Variants in TMEM67 observed in about 807,000 individuals in gnomAD.
TMEM67 encodes transmembrane protein 67.
TMEM67 carries 124 observed loss-of-function variants against 136.6 expected under a neutral mutation model. That is an observed-to-expected ratio of 0.91 (90% CI 0.78 to 1.05). The LOEUF (loss-of-function observed/expected upper bound fraction) is 1.05. Ranked by LOEUF, TMEM67 falls within the 50% of genes least tolerant of loss-of-function variation. The pLI, the probability that TMEM67 is intolerant of heterozygous loss-of-function variation, is 0.00. For missense variants in TMEM67, 1,107 were observed against 1,178.4 expected, an observed-to-expected ratio of 0.94 and a Z score of 0.89; for synonymous variants, 364 against 390.5, an observed-to-expected ratio of 0.93 and a Z score of 0.80.
At chr8:93,757,682 A>G (rs1182409619) in intron 2 of TMEM67, among the ~76,000 whole-genome samples, 2 of 152,134 alleles carry the variant, frequency 1.3e-5, no homozygotes, top group Admixed American at 1.3e-4. Flanking sequence ...TGGATAGAAG[A>G]AAATATTCTC....
intron 6 of TMEM67, among the ~76,000 whole-genome samples, chr8:93,766,811 A>C (rs1028854773): frequency 6.6e-6 from 1 of 152,170 alleles, no homozygotes; most frequent in African/African-American, 2.4e-5. Flanking sequence ...ACAGGCAAGT[A>C]CCAAGTAGTT....
In TMEM67 at chr8:93,816,414, G is replaced by T; in HGVS notation, c.2950G>T (p.Ala984Ser). The T allele has an allele frequency of 6.3e-7, 1 of 1,596,884 alleles. No individual in the cohort carries two copies. The highest frequency in any genetic ancestry group is 8.6e-7 in the Non-Finnish European group (1 of 1,166,604). Residue 984 changes from alanine to serine, a missense_variant, in exon 28 of 28, where the codon GCA becomes TCA. This residue lies in a region of TMEM67 where 925 missense variants were observed against 1,002.4 expected (regional missense o/e 0.92). Transcript: ENST00000453321. Reference sequence around the variant, plus strand: ...TAATACAGTAGGACAAAAGAATTTGGCATCCAAAACATTGGTGGATCAAAG... The same window carrying T: ...TAATACAGTAGGACAAAAGAATTTGTCATCCAAAACATTGGTGGATCAAAG... ...IRNTVGQKNL[A>S]SKTLVDQRFL...
downstream of TMEM67, among the ~76,000 whole-genome samples, chr8:93,819,820 T>C (rs1809014874): frequency 6.6e-6 from 1 of 152,196 alleles, no homozygotes; most frequent in African/African-American, 2.4e-5. Context: ...TAAGATGTTT[T>C]GTCATTTTAA....
chr8:93,818,755 T>C (rs1808989552), downstream of TMEM67, among the ~76,000 whole-genome samples: 1 of 152,156 alleles, frequency 6.6e-6, no homozygotes, highest in African/African-American at 2.4e-5. Flanking sequence ...GAAAATAATA[T>C]CCTTTGCTTA....
At chr8:93,762,317 A>T (rs1812879812) in intron 3 of TMEM67, among the ~76,000 whole-genome samples, 1 of 151,258 alleles carries the variant, frequency 6.6e-6, no homozygotes, top group Non-Finnish European at 1.5e-5. Flanking sequence ...TTACCCAAAG[A>T]TTAATTTTTT....
intron 20 of TMEM67, 124 bp from the exon 21 acceptor site, chr8:93,799,494 T>C (rs912904086): frequency 4.3e-6 from 3 of 696,144 alleles, no homozygotes; most frequent in Non-Finnish European, 7.2e-6. Flanking sequence ...GATTTTCTAC[T>C]GTTTATACAA....
the TMEM67 span, among the ~76,000 whole-genome samples, chr8:93,829,674 C>T: frequency 6.6e-6 from 1 of 152,176 alleles, no homozygotes; most frequent in Non-Finnish European, 1.5e-5. Flanking sequence ...CGGGAGGCCC[C>T]ATTATGGAAC....
chr8:93,831,465 C>T, the TMEM67 span, among the ~76,000 whole-genome samples: 2 of 152,172 alleles, frequency 1.3e-5, no homozygotes, highest in African/African-American at 2.4e-5. Flanking sequence ...TTTAATATTA[C>T]TAATATAACA....
intron 1 of TMEM67, 63 bp from the exon 2 acceptor site, chr8:93,755,715 G>T (rs1812536716): frequency 1.8e-6 from 2 of 1,090,166 alleles, no homozygotes; most frequent in South Asian, 1.5e-5. Context: ...TTCACTATCT[G>T]GGAACTTTAT....
chr8:93,781,171 T>G (rs1174091661), intron 9 of TMEM67, among the ~76,000 whole-genome samples, 189 bp downstream of exon 9: 1 of 152,262 alleles, frequency 6.6e-6, no homozygotes, highest in East Asian at 1.9e-4. Context: ...ATGTGGATAC[T>G]TCTGGATTGT....
chr8:93,782,483 T>C, intron 11 of TMEM67, 23 bp downstream of exon 11: 1 of 1,577,660 alleles, frequency 6.3e-7, no homozygotes, highest in Non-Finnish European at 8.7e-7. Context: ...GATATTAGTC[T>C]ATATTTTAGC....
chr8:93,777,526 G>A (rs983054099), intron 7 of TMEM67, among the ~76,000 whole-genome samples: 5 of 152,164 alleles, frequency 3.3e-5, no homozygotes, highest in Non-Finnish European at 7.3e-5. Context: ...TGCTTTAAAT[G>A]TGTCCCAGAG....
At chr8:93,832,209 C>T in the TMEM67 span, among the ~76,000 whole-genome samples, 1 of 152,204 alleles carries the variant, frequency 6.6e-6, no homozygotes, top group Non-Finnish European at 1.5e-5. Context: ...TCAGTGAGAA[C>T]AGCCTGATTG....
chr8:93,813,054 C>A (rs925120397), intron 26 of TMEM67, among the ~76,000 whole-genome samples: 16 of 151,778 alleles, frequency 1.1e-4, no homozygotes, highest in African/African-American at 3.6e-4. Context: ...TTTAATAATA[C>A]AATCATCACC....
At chr8:93,812,881 G>A (rs1471944188) in intron 26 of TMEM67, among the ~76,000 whole-genome samples, 2 of 151,304 alleles carry the variant, frequency 1.3e-5, no homozygotes, top group East Asian at 2.0e-4. Flanking sequence ...GATTACAGGC[G>A]TGTGCCACCA....
chr8:93,791,349 T>C (rs1015416693), intron 15 of TMEM67, 30 bp downstream of exon 15: 1 of 1,399,750 alleles, frequency 7.1e-7, no homozygotes, highest in Non-Finnish European at 1.0e-6. Context: ...TTAAAATATA[T>C]ACAGTGTATT....
At chr8:93,821,829 T>C (rs1809045725), downstream of TMEM67, among the ~76,000 whole-genome samples, 1 of 151,968 alleles carries the variant, frequency 6.6e-6, no homozygotes, top group Non-Finnish European at 1.5e-5. Flanking sequence ...GAGGTGGAAA[T>C]TGTAGTAAAC....
At chr8:93,783,122 A>G (rs963181395) in intron 11 of TMEM67, among the ~76,000 whole-genome samples, 3 of 152,048 alleles carry the variant, frequency 2.0e-5, no homozygotes. Context: ...AGTAGCTGGG[A>G]CAACAGGCAT....
chr8:93,755,896 C>CTACTTTTTA, intron 2 of TMEM67, 30 bp downstream of exon 2: 1 of 1,271,962 alleles, frequency 7.9e-7, no homozygotes, highest in Non-Finnish European at 1.1e-6. Flanking sequence ...AAATAACTTA[C>CTACTTTTTA]CTGTAAAAAG....
Sources: gnomAD v4.1 joint callset for allele counts (sites outside exome capture counted in the v4.1 genomes callset) on GRCh38, gnomAD v4.1.1 for gene constraint, gnomAD v4.1.1 regional missense constraint, MANE v1.5 for transcripts, NCBI Gene and HGNC (gene_info 2026-07-23, HGNC 2026-07-21) for gene names.